The following C12orf42 variants were observed in gnomAD, a reference collection of about 807,000 sequenced individuals.
C12orf42 encodes uncharacterized protein C12orf42.
In C12orf42, 25 loss-of-function variants were observed where a neutral mutation model predicts 21.6. The observed-to-expected ratio is 1.16, with a 90% confidence interval of 0.84 to 1.62. C12orf42 has a LOEUF of 1.62. Among genes scored for constraint, C12orf42 ranks in the 40% most tolerant of loss-of-function variants. The pLI is 0.00. For missense variants in C12orf42, 483 were observed against 459.3 expected (o/e 1.05, Z -0.47); for synonymous variants, 174 against 175.0 (o/e 0.99, Z 0.05).
rs144062311 is a variant in C12orf42, at chr12:103,387,772, G to C, written c.147+13835C>G. ...ACCGAGAACAATACCTAATATGTCA[G>C]AGGTACTCGAGAAATGTTTGTCAAA... On this transcript the variant is annotated intron_variant, in intron 3 of 5. Coordinates refer to ENST00000548883, the MANE Select transcript of C12orf42 (RefSeq NM_198521.5). Among the ~76,000 whole-genome samples, 53 of 152,278 alleles carry C rather than the reference G, an allele frequency of 3.5e-4. 1 individual carries two copies. Among genetic ancestry groups the C allele is most frequent in the South Asian group, 2.5e-3 (12 of 4,804 alleles).
chr12:103,245,192 T>C (rs2033950746), intron 10 of C12orf42, among the ~76,000 whole-genome samples: 1 of 152,024 alleles, frequency 6.6e-6, no homozygotes, highest in African/African-American at 2.4e-5. Flanking sequence ...GTTAAGAAAA[T>C]TCAGTTGGAA....
At chr12:103,434,709 G>A (rs368053554) in intron 2 of C12orf42, among the ~76,000 whole-genome samples, 8 of 152,144 alleles carry the variant, frequency 5.3e-5, no homozygotes, top group East Asian at 1.9e-4. Context: ...AAAAAACACC[G>A]CACCACGAGA....
At chr12:103,087,572 G>T in the C12orf42 span, among the ~76,000 whole-genome samples, 1 of 152,206 alleles carries the variant, frequency 6.6e-6, no homozygotes, top group Non-Finnish European at 1.5e-5. Flanking sequence ...TCTGAGAGTG[G>T]TTTACAATAA....
the C12orf42 span, among the ~76,000 whole-genome samples, chr12:103,196,755 C>T: frequency 6.6e-6 from 1 of 151,716 alleles, no homozygotes; most frequent in East Asian, 1.9e-4. Flanking sequence ...CTACTCTTGT[C>T]TTCTGTTTGC....
chr12:103,330,734 T>C (rs1019525303), intron 4 of C12orf42, among the ~76,000 whole-genome samples: 8 of 152,206 alleles, frequency 5.3e-5, no homozygotes, highest in African/African-American at 1.4e-4. Context: ...AATCTTGAAT[T>C]ATAGTTCTCT....
chr12:103,221,036 G>T, the C12orf42 span, among the ~76,000 whole-genome samples: 9 of 152,220 alleles, frequency 5.9e-5, no homozygotes, highest in Non-Finnish European at 7.3e-5. Flanking sequence ...CTGACGATTA[G>T]CAGGTTTGCT....
intron 10 of C12orf42, among the ~76,000 whole-genome samples, chr12:103,244,666 T>C (rs747885461): frequency 2.0e-5 from 3 of 152,024 alleles, no homozygotes; most frequent in African/African-American, 7.2e-5. Flanking sequence ...TAACCACATA[T>C]AGAATTTCCC....
At chr12:103,131,165 T>G in the C12orf42 span, among the ~76,000 whole-genome samples, 1 of 152,320 alleles carries the variant, frequency 6.6e-6, no homozygotes, top group African/African-American at 2.4e-5. Context: ...AAGTGGAACC[T>G]ATGCCACAGT....
the C12orf42 span, among the ~76,000 whole-genome samples, chr12:103,225,533 G>T: frequency 6.6e-6 from 1 of 152,170 alleles, no homozygotes; most frequent in East Asian, 1.9e-4. Context: ...TTAAGGTGGG[G>T]GGATACAAGA....
chr12:103,555,616 G>A, the C12orf42 span, among the ~76,000 whole-genome samples: 119 of 152,208 alleles, frequency 7.8e-4, 1 homozygote, highest in African/African-American at 2.5e-3. Context: ...CTAGCAGCAT[G>A]GGCATCTCCT....
chr12:103,437,153 C>A (rs1950790006), intron 2 of C12orf42, among the ~76,000 whole-genome samples: 1 of 151,132 alleles, frequency 6.6e-6, no homozygotes, highest in African/African-American at 2.4e-5. Context: ...TCCTGAATGA[C>A]TACTGGATAC....
chr12:103,163,786 T>C, the C12orf42 span, among the ~76,000 whole-genome samples: 67 of 152,328 alleles, frequency 4.4e-4, no homozygotes, highest in African/African-American at 1.4e-3. Flanking sequence ...TTTAGCTCTC[T>C]GAGCCTCAGT....
chr12:103,070,855 T>C, the C12orf42 span, among the ~76,000 whole-genome samples: 2 of 152,162 alleles, frequency 1.3e-5, no homozygotes, highest in Non-Finnish European at 2.9e-5. Context: ...CAACATGTGA[T>C]TGTCACGACA....
chr12:103,058,772 T>C, the C12orf42 span, among the ~76,000 whole-genome samples: 1 of 152,148 alleles, frequency 6.6e-6, no homozygotes, highest in Non-Finnish European at 1.5e-5. Flanking sequence ...AAGAAGTTCT[T>C]TGAAACCAAA....
chr12:103,201,674 G>A, the C12orf42 span, among the ~76,000 whole-genome samples: 508 of 152,198 alleles, frequency 3.3e-3, 2 homozygotes, highest in African/African-American at 0.011. Flanking sequence ...TCAATTGGCC[G>A]TTGTCAACTT....
rs545479996 is a variant in C12orf42, at chr12:103,464,748, C to T, written c.78+13601G>A. ...ATTTTGAGTTAATTTTTGTACAAGG[C>T]GTAAGGAAGGGGTCCAGTTTCAGTT... On this transcript the variant is annotated intron_variant, in intron 2 of 5. Transcript: ENST00000548883. Among the ~76,000 whole-genome samples, 48 of 152,080 alleles carry T rather than the reference C, an allele frequency of 3.2e-4. No individual in the cohort carries two copies. In the South Asian group the frequency reaches 9.1e-3, roughly 29 times the overall value.
the C12orf42 span, among the ~76,000 whole-genome samples, chr12:103,175,429 A>G: frequency 6.6e-6 from 1 of 152,210 alleles, no homozygotes; most frequent in African/African-American, 2.4e-5. Context: ...AAAATGTTGC[A>G]AAGCTCATCC....
chr12:103,155,775 A>T, the C12orf42 span, among the ~76,000 whole-genome samples: 4 of 150,972 alleles, frequency 2.6e-5, no homozygotes, highest in African/African-American at 7.3e-5. Flanking sequence ...GTATATATAC[A>T]TATAGTAAAA....
chr12:103,104,483 C>T, the C12orf42 span, among the ~76,000 whole-genome samples: 1 of 152,114 alleles, frequency 6.6e-6, no homozygotes, highest in African/African-American at 2.4e-5. Context: ...ACTCTGTTGC[C>T]AGGCTGAAGT....
Sources: gnomAD v4.1 joint callset for allele counts (sites outside exome capture counted in the v4.1 genomes callset) on GRCh38, gnomAD v4.1.1 for gene constraint, MANE v1.5 for transcripts, NCBI Gene and HGNC (gene_info 2026-07-23, HGNC 2026-07-21) for gene names.